FOXP2: variants seen among roughly 807,000 people sequenced by gnomAD.
FOXP2 encodes forkhead box protein P2.
Under a neutral mutation model 115.8 loss-of-function variants are expected in FOXP2, and 12 were observed. That is an observed-to-expected ratio of 0.10 (90% CI 0.07 to 0.17). The LOEUF (loss-of-function observed/expected upper bound fraction) is 0.17, where lower values mean the gene tolerates loss of function less well. FOXP2 is among the 10% of genes least tolerant of loss of function. The pLI is 1.00. For synonymous variants in FOXP2, 328 were observed against 297.7 expected (o/e 1.10, Z -1.05); for missense variants, 629 against 843.5 (o/e 0.75, Z 3.15).
At chr7:114,086,389 C>A (rs1340327803), upstream of FOXP2, 4 of 363,864 alleles carry the variant, frequency 1.1e-5, no homozygotes, top group South Asian at 3.8e-5. Flanking sequence ...CTAGCTCTAG[C>A]CCCGCGCCAC....
At chr7:114,382,345 T>C (rs1257048451) in intron 2 of FOXP2, among the ~76,000 whole-genome samples, 3 of 152,232 alleles carry the variant, frequency 2.0e-5, no homozygotes, top group Non-Finnish European at 4.4e-5. Flanking sequence ...GTCCTGCTGC[T>C]GGATCATCTG....
chr7:114,093,653 C>T (rs79339859), intron 1 of FOXP2, among the ~76,000 whole-genome samples: 1,605 of 151,986 alleles, frequency 0.011, 16 homozygotes, highest in Admixed American at 0.016. Context: ...ATCCTACACC[C>T]ATTTTATATC....
chr7:114,186,342 G>T (rs1444728122), intron 1 of FOXP2, among the ~76,000 whole-genome samples: 1 of 152,044 alleles, frequency 6.6e-6, no homozygotes, highest in Non-Finnish European at 1.5e-5. Flanking sequence ...TTCCCTCTTG[G>T]AATAGTATAA....
At chr7:114,424,831 A>G (rs1428814473) in intron 1 of FOXP2, among the ~76,000 whole-genome samples, 1 of 151,370 alleles carries the variant, frequency 6.6e-6, no homozygotes, top group Non-Finnish European at 1.5e-5. Context: ...TTATCCAAAC[A>G]GCTTTAAGTT....
At chr7:114,396,401 G>T (rs374326950) in intron 2 of FOXP2, among the ~76,000 whole-genome samples, 1 of 152,060 alleles carries the variant, frequency 6.6e-6, no homozygotes, top group African/African-American at 2.4e-5. Context: ...TCCATTGATG[G>T]GCACTTTGGT....
At chr7:114,284,405 T>C (rs1366910923) in intron 1 of FOXP2, among the ~76,000 whole-genome samples, 1 of 152,194 alleles carries the variant, frequency 6.6e-6, no homozygotes, top group Non-Finnish European at 1.5e-5. Context: ...TGTGTGTGAA[T>C]GTGTGTATAT....
chr7:114,195,588 T>G (rs1793882084), intron 1 of FOXP2, among the ~76,000 whole-genome samples: 1 of 152,226 alleles, frequency 6.6e-6, no homozygotes, highest in Non-Finnish European at 1.5e-5. Flanking sequence ...TGAAGCTTTA[T>G]TCTTAAAGCT....
At chr7:114,680,852 A>G (rs961309420) in intron 16 of FOXP2, among the ~76,000 whole-genome samples, 1 of 152,216 alleles carries the variant, frequency 6.6e-6, no homozygotes, top group African/African-American at 2.4e-5. Flanking sequence ...TGTCTGAACC[A>G]TCTAGAGGAG....
intron 16 of FOXP2, 106 bp from the exon 17 acceptor site, chr7:114,689,676 G>C (rs916469693): frequency 1.8e-6 from 2 of 1,096,442 alleles, no homozygotes; most frequent in Non-Finnish European, 2.7e-6. Flanking sequence ...GAAAGACAAT[G>C]TTGTGTCTTC....
At chr7:114,253,315 G>T (rs1440589254) in intron 1 of FOXP2, among the ~76,000 whole-genome samples, 2 of 152,068 alleles carry the variant, frequency 1.3e-5, no homozygotes, top group Non-Finnish European at 2.9e-5. Context: ...GGTCCACTTG[G>T]TGCAGAGCTG....
intron 2 of FOXP2, among the ~76,000 whole-genome samples, chr7:114,483,709 A>C (rs574958675): frequency 1.4e-4 from 21 of 151,858 alleles, no homozygotes; most frequent in African/African-American, 4.8e-4. Flanking sequence ...AACTCTATAA[A>C]GTCTTTGACA....
intron 2 of FOXP2, among the ~76,000 whole-genome samples, chr7:114,509,982 G>C (rs1301306247): frequency 6.6e-6 from 1 of 152,006 alleles, no homozygotes; most frequent in Admixed American, 6.6e-5. Context: ...AACATGGTCA[G>C]AAAGCTGAGA....
At chr7:114,489,441 C>A (rs372430068) in intron 2 of FOXP2, among the ~76,000 whole-genome samples, 2 of 152,026 alleles carry the variant, frequency 1.3e-5, no homozygotes, top group African/African-American at 4.8e-5. Context: ...GAAATTGGTT[C>A]TATTTACTTA....
chr7:114,369,149 A>G (rs900787830), intron 2 of FOXP2, among the ~76,000 whole-genome samples: 1 of 152,198 alleles, frequency 6.6e-6, no homozygotes, highest in African/African-American at 2.4e-5. Context: ...CAATATAGCA[A>G]TAAGTGTTAT....
intron 2 of FOXP2, among the ~76,000 whole-genome samples, chr7:114,450,754 C>A (rs1473981292): frequency 1.3e-5 from 2 of 151,948 alleles, no homozygotes; most frequent in African/African-American, 2.4e-5. Context: ...TATGAGATTT[C>A]TTTATGATTA....
chr7:114,391,957 A>C (rs1207711126), intron 2 of FOXP2, among the ~76,000 whole-genome samples: 6 of 152,164 alleles, frequency 3.9e-5, no homozygotes, highest in African/African-American at 1.4e-4. Context: ...AAGTAAAATA[A>C]TTTCATTGCA....
At chr7:114,163,617 CT>C (rs1377599097) in intron 1 of FOXP2, among the ~76,000 whole-genome samples, 2 of 152,090 alleles carry the variant, frequency 1.3e-5, no homozygotes, top group Non-Finnish European at 2.9e-5. Context: ...GCTCAGTGTA[CT>C]GGAAAGACTG....
In FOXP2 at chr7:114,115,871, G is replaced by C. The variant is rs114177095; in HGVS notation, c.-247+28033G>C. Among the ~76,000 whole-genome samples the C allele has an allele frequency of 2.3e-3, 355 of 152,138 alleles. 1 individual carries two copies. Among genetic ancestry groups the C allele is most frequent in the African/African-American group, 7.9e-3 (330 of 41,532 alleles). ...TTGCATGGCACCTGGTGTATGGTAG[G>C]AATTAAGCATTTATTGAATAAATGA... On this transcript the variant is annotated intron_variant, in intron 1 of 19. Coordinates refer to the FOXP2 transcript ENST00000635638.
chr7:114,629,419 T>C (rs1804768080), intron 4 of FOXP2, among the ~76,000 whole-genome samples: 1 of 152,196 alleles, frequency 6.6e-6, no homozygotes, highest in East Asian at 1.9e-4. Context: ...TGGATTAAGT[T>C]TTTTCCAATA....
Sources: gnomAD v4.1 joint callset for allele counts (sites outside exome capture counted in the v4.1 genomes callset) on GRCh38, gnomAD v4.1.1 for gene constraint, MANE v1.5 for transcripts, NCBI Gene and HGNC (gene_info 2026-07-23, HGNC 2026-07-21) for gene names.